Variants in BRAF observed in about 807,000 individuals in gnomAD.
BRAF encodes serine/threonine-protein kinase B-raf.
BRAF carries 16 observed loss-of-function variants against 104.6 expected under a neutral mutation model. That is an observed-to-expected ratio of 0.15 (90% CI 0.10 to 0.23). The LOEUF (loss-of-function observed/expected upper bound fraction) is 0.23. BRAF is among the 10% of genes least tolerant of loss of function. BRAF has a pLI of 1.00. For synonymous variants in BRAF, 310 were observed against 341.6 expected (o/e 0.91, Z 1.02); for missense variants, 541 against 937.3 (o/e 0.58, Z 5.52).
At chr7:140,760,056 T>C (rs998755231) in intron 14 of BRAF, among the ~76,000 whole-genome samples, 3 of 152,160 alleles carry the variant, frequency 2.0e-5, no homozygotes, top group Non-Finnish European at 4.4e-5. Flanking sequence ...AAATAAACTG[T>C]GGACTGAGAA....
At chr7:140,735,711 C>T (rs1266709608) in intron 18 of BRAF, among the ~76,000 whole-genome samples, 1 of 151,932 alleles carries the variant, frequency 6.6e-6, no homozygotes. Context: ...AGCGCACCAC[C>T]ATGCCCAGCT....
chr7:140,897,415 A>T (rs2129124881), intron 1 of BRAF, among the ~76,000 whole-genome samples: 1 of 152,008 alleles, frequency 6.6e-6, no homozygotes, highest in African/African-American at 2.4e-5. Context: ...CCTAAACAAA[A>T]TTTTTAAAAT....
chr7:140,726,027 A>G lies in BRAF; in HGVS notation c.*467T>C, dbSNP rs1208513610. On this transcript the variant is annotated 3_prime_UTR_variant, in exon 20 of 20. Coordinates refer to ENST00000644969, the MANE Select transcript of BRAF (RefSeq NM_001374258.1). Reference sequence around the variant, plus strand: ...AACTAACTGGTGGTCACTAGGGGAAAGAGCTCCAAAACAAAATTCCAGAAC... The same window carrying G: ...AACTAACTGGTGGTCACTAGGGGAAGGAGCTCCAAAACAAAATTCCAGAAC... 9.3e-7 allele frequency: 1 copy of G among 1,069,988 alleles called. No individual in the cohort carries two copies. The highest frequency in any genetic ancestry group is 1.1e-6 in the Non-Finnish European group (1 of 882,654). 66.3% of individuals were successfully genotyped at this position (1,069,988 alleles called of 1,614,324 possible). A position where few individuals can be genotyped will look rare whatever the true frequency, so the allele number is the denominator to read the frequency against.
intron 14 of BRAF, among the ~76,000 whole-genome samples, chr7:140,769,685 T>C (rs915208856): frequency 1.3e-5 from 2 of 152,228 alleles, no homozygotes; most frequent in South Asian, 2.1e-4. Context: ...CTTCTCCTGA[T>C]GAACATGTTT....
At chr7:140,787,824 G>A (rs1341487217) in intron 8 of BRAF, among the ~76,000 whole-genome samples, 1 of 152,122 alleles carries the variant, frequency 6.6e-6, no homozygotes, top group Non-Finnish European at 1.5e-5. Context: ...AAATGTTGAT[G>A]TCCATTTCAG....
intron 1 of BRAF, among the ~76,000 whole-genome samples, chr7:140,905,186 T>G (rs1437755376): frequency 2.6e-5 from 4 of 152,210 alleles, no homozygotes; most frequent in Non-Finnish European, 5.9e-5. Context: ...TACAAATATT[T>G]TATATCCTAA....
intron 1 of BRAF, among the ~76,000 whole-genome samples, chr7:140,899,712 T>G (rs1302276628): frequency 6.6e-6 from 1 of 152,186 alleles, no homozygotes; most frequent in East Asian, 1.9e-4. Context: ...GTCTTAGAAA[T>G]CTATAGGAAT....
chr7:140,717,584 C>T (rs1046283941), downstream of BRAF, among the ~76,000 whole-genome samples: 6 of 152,180 alleles, frequency 3.9e-5, no homozygotes, highest in Non-Finnish European at 1.5e-5. Flanking sequence ...CATTTTGAGT[C>T]TAGGAGAACT....
intron 1 of BRAF, among the ~76,000 whole-genome samples, chr7:140,911,482 T>G (rs1219383151): frequency 2.0e-5 from 3 of 151,936 alleles, no homozygotes; most frequent in Non-Finnish European, 4.4e-5. Context: ...TAAAACAAGG[T>G]AAACTCTGGG....
At chr7:140,770,673 C>T (rs1052352394) in intron 14 of BRAF, among the ~76,000 whole-genome samples, 9 of 151,984 alleles carry the variant, frequency 5.9e-5, no homozygotes, top group African/African-American at 2.2e-4. Context: ...CAGTGACTCA[C>T]GCCTGTAATC....
chr7:140,864,420 G>A (rs942036351), intron 1 of BRAF, among the ~76,000 whole-genome samples: 1 of 152,188 alleles, frequency 6.6e-6, no homozygotes, highest in Non-Finnish European at 1.5e-5. Context: ...ACCAACAGGA[G>A]AGGCTTACTA....
intron 1 of BRAF, among the ~76,000 whole-genome samples, chr7:140,891,307 G>A (rs1012580315): frequency 2.0e-5 from 3 of 152,160 alleles, no homozygotes; most frequent in Non-Finnish European, 4.4e-5. Flanking sequence ...ATATCCACAA[G>A]GGATTGGTTC....
At chr7:140,745,191 G>C (rs774244085) in intron 17 of BRAF, among the ~76,000 whole-genome samples, 1 of 152,034 alleles carries the variant, frequency 6.6e-6, no homozygotes, top group Non-Finnish European at 1.5e-5. Context: ...ATCTAATATA[G>C]TAGTCTTATT....
Position 140,719,473 on chromosome 7 carries a change from T to G in BRAF, c.*7021A>C. On this transcript the variant is annotated 3_prime_UTR_variant, in exon 20 of 20. Coordinates refer to ENST00000644969, the MANE Select transcript of BRAF (RefSeq NM_001374258.1). Reference sequence around the variant, plus strand: ...ATTTCTTCAATCTGAATTTCAGCTATCTTTTTTTATTCTCCATGCTTTCTA... The same window carrying G: ...ATTTCTTCAATCTGAATTTCAGCTAGCTTTTTTTATTCTCCATGCTTTCTA... 1 of 1,018,034 alleles carries G rather than the reference T, an allele frequency of 9.8e-7. No homozygotes were observed. Among genetic ancestry groups the G allele is most frequent in the Non-Finnish European group, 1.2e-6 (1 of 842,722 alleles). 63.1% of individuals were successfully genotyped at this position (1,018,034 alleles called of 1,614,324 possible).
intron 1 of BRAF, among the ~76,000 whole-genome samples, chr7:140,897,899 T>C (rs1201039230): frequency 6.6e-6 from 1 of 152,132 alleles, no homozygotes; most frequent in African/African-American, 2.4e-5. Context: ...ACAACATATG[T>C]CTTTATAAGG....
intron 14 of BRAF, among the ~76,000 whole-genome samples, chr7:140,760,940 A>AT (rs763696350): frequency 1.1e-3 from 175 of 152,340 alleles, no homozygotes; most frequent in Admixed American, 2.3e-3. Flanking sequence ...GACGGGGAGA[A>AT]TGGAACCAAG....
rs549104477 is a variant in BRAF, at chr7:140,781,768, T to C, written c.1435-75A>G. 35 of 1,181,478 alleles carry C rather than the reference T, an allele frequency of 3.0e-5. No homozygotes were observed. The African/African-American group carries it at 5.1e-4, about 17-fold the overall frequency. 73.2% of individuals were successfully genotyped at this position (1,181,478 alleles called of 1,614,324 possible). The stretch of plus-strand genomic sequence containing the variant: ...ACCTTATGTTTCACCCTAAGTACAT[T>C]ACCTTATGCCTGAGAGGGATACAGG... On this transcript the variant is annotated intron_variant, in intron 11 of 19. Transcript: ENST00000644969.
intron 15 of BRAF, chr7:140,753,902 A>G: frequency 2.1e-6 from 1 of 483,414 alleles, no homozygotes; most frequent in East Asian, 3.9e-5. Context: ...AGATAGCTAC[A>G]AAACTATCAG....
chr7:140,737,840 C>T (rs1280273570), intron 18 of BRAF, among the ~76,000 whole-genome samples: 1 of 152,148 alleles, frequency 6.6e-6, no homozygotes, highest in East Asian at 1.9e-4. Flanking sequence ...GGGATAGCCT[C>T]CAATAATCTG....
Sources: gnomAD v4.1 joint callset for allele counts (sites outside exome capture counted in the v4.1 genomes callset) on GRCh38, gnomAD v4.1.1 for gene constraint, MANE v1.5 for transcripts, NCBI Gene and HGNC (gene_info 2026-07-23, HGNC 2026-07-21) for gene names.